The following B4GALT6 variants were observed in gnomAD, a reference collection of about 807,000 sequenced individuals.
B4GALT6 encodes UDP-Gal:beta-GlcNAc beta-1,4-galactosyltransferase 6.
A neutral mutation model predicts 46.3 loss-of-function variants in B4GALT6; 14 were observed. The observed-to-expected ratio is 0.30, with a 90% CI of 0.20 to 0.47. The LOEUF is 0.47. Among genes scored for constraint, B4GALT6 ranks in the 20% least tolerant of loss-of-function variants. The probability of loss-of-function intolerance (pLI) is 0.99; values close to 1 mark genes in which losing one functional copy is unlikely to be tolerated. For missense variants in B4GALT6, 386 were observed against 480.1 expected, an observed-to-expected ratio of 0.80 and a Z score of 1.83; for synonymous variants, 168 against 162.0, an observed-to-expected ratio of 1.04 and a Z score of -0.28.
At chr18:31,704,488 G>A in the B4GALT6 span, among the ~76,000 whole-genome samples, 13 of 152,194 alleles carry the variant, frequency 8.5e-5, no homozygotes, top group South Asian at 2.1e-4. Flanking sequence ...ACAGGTGTGA[G>A]CCACCACACC....
rs376449976 is a variant in B4GALT6 at position 31,626,297 on chromosome 18, G to C, written c.987C>G (p.Val329=). 1.3e-6 allele frequency: 2 copies of C among 1,586,420 alleles called. No homozygotes were observed. The highest frequency in any genetic ancestry group is 1.7e-6 in the Non-Finnish European group (2 of 1,162,798). The change falls in exon 8 of 9, where the codon GTC becomes GTG. Residue 329 remains valine (V), a synonymous_variant. Coordinates refer to ENST00000306851, the MANE Select transcript of B4GALT6 (RefSeq NM_004775.5). ...ATTCAACTTACCGTCCTAAAAACTGGACTTCACCTCTATGGTGATGAGGAA... is the reference window on the plus strand; with the variant it reads ...ATTCAACTTACCGTCCTAAAAACTGCACTTCACCTCTATGGTGATGAGGAA... ...KSIPHHHRGE[V]QFLGRYKLLR... is the part of the protein sequence containing the mutation.
At chr18:31,626,064 T>C (rs2073692272) in intron 8 of B4GALT6, among the ~76,000 whole-genome samples, 1 of 152,228 alleles carries the variant, frequency 6.6e-6, no homozygotes, top group Admixed American at 6.5e-5. Context: ...CTCTTTAACG[T>C]AAATATGTGT....
upstream of B4GALT6, chr18:31,684,599 A>T (rs1175092933): frequency 2.0e-5 from 25 of 1,243,368 alleles, no homozygotes; most frequent in Non-Finnish European, 2.6e-5. Flanking sequence ...GAGGGAGCGG[A>T]CGGAATGAAT....
chr18:31,651,987 G>A (rs1421958277), intron 3 of B4GALT6, among the ~76,000 whole-genome samples: 1 of 152,060 alleles, frequency 6.6e-6, no homozygotes, highest in African/African-American at 2.4e-5. Context: ...AGCCAGGATG[G>A]TCTCGATCTC....
intron 2 of B4GALT6, among the ~76,000 whole-genome samples, chr18:31,661,983 A>G (rs987785259): frequency 3.3e-5 from 5 of 152,184 alleles, no homozygotes; most frequent in African/African-American, 1.2e-4. Flanking sequence ...GATTCTCTGA[A>G]CCCACATCCA....
intron 3 of B4GALT6, among the ~76,000 whole-genome samples, chr18:31,647,897 G>C (rs989611333): frequency 3.3e-5 from 5 of 152,154 alleles, no homozygotes; most frequent in Admixed American, 6.5e-5. Flanking sequence ...GGAGGACTCA[G>C]GCTCCCCCAA....
At chr18:31,669,744 T>C (rs74658066) in intron 1 of B4GALT6, among the ~76,000 whole-genome samples, 3,320 of 152,312 alleles carry the variant, frequency 0.022, 98 homozygotes, top group East Asian at 0.11. Flanking sequence ...ATTATCTGGG[T>C]GGGGCAGCAT....
At chr18:31,645,582 G>T in intron 3 of B4GALT6, 103 bp from the exon 4 acceptor site, 1 of 1,183,456 alleles carries the variant, frequency 8.4e-7, no homozygotes, top group Non-Finnish European at 1.2e-6. Flanking sequence ...TAGTTGCCAG[G>T]ACAATACAGT....
At chr18:31,676,316 A>C (rs1178531768) in intron 1 of B4GALT6, among the ~76,000 whole-genome samples, 1 of 152,200 alleles carries the variant, frequency 6.6e-6, no homozygotes, top group East Asian at 1.9e-4. Flanking sequence ...ATAGCTACTT[A>C]AATATACCAC....
rs1370894504 is a variant in B4GALT6 at position 31,623,005 on chromosome 18, T to A, written c.*2609A>T. ...GAGACTAGGAAATACAACAGATAAG[T>A]TATCAGAAGATGTCTTCATAATTTC... On this transcript the variant is annotated 3_prime_UTR_variant, in exon 9 of 9. Transcript: ENST00000306851. 6.6e-6 allele frequency: 1 copy of A among 152,064 alleles called. No homozygotes were observed. The highest frequency in any genetic ancestry group is 2.4e-5 in the African/African-American group (1 of 41,450). 9.4% of individuals were successfully genotyped at this position (152,064 alleles called of 1,614,324 possible).
chr18:31,678,520 G>A lies in B4GALT6; in HGVS notation c.115+5792C>T, dbSNP rs187875947. 2.1e-4 allele frequency among the ~76,000 whole-genome samples: 32 copies of A among 152,228 alleles called. 1 individual carries two copies. Among genetic ancestry groups the A allele is most frequent in the Admixed American group, 9.8e-4 (15 of 15,288 alleles). On this transcript the variant is annotated intron_variant, in intron 1 of 8. Transcript: ENST00000306851. ...CAAAAATAATTAGTTCCTTCAACTC[G>A]GGCACAGTAGAATGAGTCAGGAATC...
At chr18:31,689,650 A>T (rs2030042310), upstream of B4GALT6, among the ~76,000 whole-genome samples, 1 of 152,130 alleles carries the variant, frequency 6.6e-6, no homozygotes, top group Non-Finnish European at 1.5e-5. Flanking sequence ...AGGCTGAGGC[A>T]GGAGAATTGC....
In B4GALT6 at chr18:31,627,906, G is replaced by A. The variant is rs181448389; in HGVS notation, c.777-785C>T. Among the ~76,000 whole-genome samples the A allele has an allele frequency of 4.8e-4, 73 of 152,282 alleles. No individual in the cohort carries two copies. The South Asian group carries it at 1.0e-2, about 21-fold the overall frequency. ...AATATATTCCCATGGACTGAAACAC[G>A]CCCCTGGGGAGCAGATGCCAGAGCA... On this transcript the variant is annotated intron_variant, in intron 6 of 8. Transcript: ENST00000306851.
intron 7 of B4GALT6, among the ~76,000 whole-genome samples, 184 bp downstream of exon 7, chr18:31,626,815 T>C (rs2073704905): frequency 6.6e-6 from 1 of 151,972 alleles, no homozygotes; most frequent in Non-Finnish European, 1.5e-5. Context: ...TCTAATTATA[T>C]GCTGCCAATA....
chr18:31,641,192 T>TATA (rs2073926717), intron 4 of B4GALT6, among the ~76,000 whole-genome samples: 1 of 152,224 alleles, frequency 6.6e-6, no homozygotes, highest in African/African-American at 2.4e-5. Flanking sequence ...GAGCTGAACA[T>TATA]ATAAGGATAA....
At chr18:31,683,526 A>G (rs1036525512) in intron 1 of B4GALT6, among the ~76,000 whole-genome samples, 1 of 152,170 alleles carries the variant, frequency 6.6e-6, no homozygotes, top group Non-Finnish European at 1.5e-5. Flanking sequence ...TTTTCAACAA[A>G]TGGGGGACGA....
chr18:31,706,397 G>A, the B4GALT6 span, among the ~76,000 whole-genome samples: 1 of 152,042 alleles, frequency 6.6e-6, no homozygotes, highest in Non-Finnish European at 1.5e-5. Flanking sequence ...TTGGGAGGCC[G>A]AGGCAGGCAG....
chr18:31,651,513 C>T (rs2074067207), intron 3 of B4GALT6, among the ~76,000 whole-genome samples: 1 of 152,142 alleles, frequency 6.6e-6, no homozygotes, highest in Non-Finnish European at 1.5e-5. Context: ...CCCTTTCAAG[C>T]TGCTCAATCC....
chr18:31,666,415 CTTT>C (rs762204862), intron 1 of B4GALT6, 43 bp from the exon 2 acceptor site: 2 of 937,990 alleles, frequency 2.1e-6, no homozygotes, highest in East Asian at 5.3e-5. Context: ...ACACAGTAAG[CTTT>C]TTTTTATTTA....
Sources: gnomAD v4.1 joint callset for allele counts (sites outside exome capture counted in the v4.1 genomes callset) on GRCh38, gnomAD v4.1.1 for gene constraint, MANE v1.5 for transcripts, NCBI Gene and HGNC (gene_info 2026-07-23, HGNC 2026-07-21) for gene names.